CR1: variants seen among roughly 807,000 people sequenced by gnomAD.
The protein encoded by CR1 is complement receptor type 1.
Under a neutral mutation model 187.3 loss-of-function variants are expected in CR1, and 116 were observed. The observed-to-expected ratio is 0.62, with a 90% confidence interval of 0.53 to 0.72. CR1 has a LOEUF of 0.72. Among genes scored for constraint, CR1 ranks in the 30% least tolerant of loss-of-function variants. CR1 has a pLI of 0.00. For missense variants in CR1, 1,731 were observed against 2,110.7 expected, an observed-to-expected ratio of 0.82 and a Z score of 3.52; for synonymous variants, 576 against 747.1, an observed-to-expected ratio of 0.77 and a Z score of 3.73.
chr1:207,603,513 C>T (rs963244617), intron 35 of CR1, among the ~76,000 whole-genome samples: 5 of 152,090 alleles, frequency 3.3e-5, no homozygotes, highest in African/African-American at 1.2e-4. Context: ...TGCATATAGT[C>T]CCCACTTTTT....
intron 24 of CR1, among the ~76,000 whole-genome samples, chr1:207,566,912 A>G (rs1267052248): frequency 1.3e-5 from 2 of 150,346 alleles, no homozygotes; most frequent in African/African-American, 5.0e-5. Context: ...TTTTTAGAGT[A>G]AAATTTTGGA....
At chr1:207,573,473 T>C (rs1449838027) in intron 27 of CR1, among the ~76,000 whole-genome samples, 6 of 151,864 alleles carry the variant, frequency 4.0e-5, no homozygotes, top group African/African-American at 1.5e-4. Flanking sequence ...GTGAGGAACC[T>C]CTCTATGGCA....
intron 43 of CR1, 99 bp downstream of exon 43, chr1:207,620,164 T>A: frequency 8.2e-7 from 1 of 1,226,548 alleles, no homozygotes. Context: ...GTTTATGGCA[T>A]ATGCTATGAG....
intron 4 of CR1, among the ~76,000 whole-genome samples, chr1:207,516,367 A>G (rs1659808871): frequency 6.6e-6 from 1 of 152,210 alleles, no homozygotes; most frequent in Non-Finnish European, 1.5e-5. Flanking sequence ...TTGCCATACT[A>G]TAAGCACTAC....
At chr1:207,625,070 T>C (rs1662440762) in intron 45 of CR1, among the ~76,000 whole-genome samples, 1 of 152,204 alleles carries the variant, frequency 6.6e-6, no homozygotes, top group Non-Finnish European at 1.5e-5. Context: ...TAACTATTGA[T>C]TTGTTTCACC....
chr1:207,562,837 G>A (rs1380481275), intron 21 of CR1, among the ~76,000 whole-genome samples: 1 of 150,460 alleles, frequency 6.6e-6, no homozygotes, highest in African/African-American at 2.5e-5. Flanking sequence ...GTGCAGAAGT[G>A]TGAGGCTGGG....
intron 3 of CR1, among the ~76,000 whole-genome samples, chr1:207,508,515 C>A (rs1444291324): frequency 6.6e-6 from 1 of 152,132 alleles, no homozygotes; most frequent in Non-Finnish European, 1.5e-5. Flanking sequence ...GGCATATGTG[C>A]ATAAACAGAC....
intron 45 of CR1, among the ~76,000 whole-genome samples, chr1:207,624,383 A>G (rs947817089): frequency 1.3e-5 from 2 of 152,170 alleles, no homozygotes; most frequent in African/African-American, 4.8e-5. Flanking sequence ...TATCAATGTT[A>G]TATGGTTGAT....
chr1:207,625,249 AT>A (rs942894987), intron 45 of CR1, among the ~76,000 whole-genome samples: 5 of 151,944 alleles, frequency 3.3e-5, no homozygotes, highest in South Asian at 2.1e-4. Flanking sequence ...CCTGCCTCCT[AT>A]TTTTTTCATA....
intron 37 of CR1, among the ~76,000 whole-genome samples, chr1:207,611,397 A>C (rs1167646995): frequency 6.6e-6 from 1 of 152,170 alleles, no homozygotes; most frequent in African/African-American, 2.4e-5. Context: ...CTCCATAACC[A>C]GTAGTTGAAA....
At chr1:207,595,705 G>A (rs76675441) in intron 35 of CR1, among the ~76,000 whole-genome samples, 2,205 of 150,782 alleles carry the variant, frequency 0.015, 61 homozygotes, top group African/African-American at 0.051. Context: ...CTCCCACAAA[G>A]CTGTGGGAGT....
At chr1:207,582,056 A>G (rs1660974093) in intron 32 of CR1, 53 bp downstream of exon 32, 18 of 1,361,190 alleles carry the variant, frequency 1.3e-5, no homozygotes, top group Non-Finnish European at 1.8e-5. Flanking sequence ...TTTTCTTAAT[A>G]TAGTTTGCCC....
At chr1:207,523,448 T>C (rs537024193) in intron 4 of CR1, among the ~76,000 whole-genome samples, 163 bp from the exon 5 acceptor site, 58 of 152,352 alleles carry the variant, frequency 3.8e-4, no homozygotes, top group African/African-American at 1.3e-3. Context: ...ACACATCATA[T>C]TATGCCCATT....
At chr1:207,637,299 A>T (rs1662844538) in intron 46 of CR1, among the ~76,000 whole-genome samples, 1 of 152,208 alleles carries the variant, frequency 6.6e-6, no homozygotes, top group Non-Finnish European at 1.5e-5. Context: ...GTCCTGTGCA[A>T]TTGTGGTAGA....
intron 46 of CR1, among the ~76,000 whole-genome samples, chr1:207,633,381 T>C (rs1662710266): frequency 1.3e-5 from 2 of 152,252 alleles, no homozygotes; most frequent in African/African-American, 4.8e-5. Flanking sequence ...CTTCTTTGCA[T>C]ATTGTTAGAC....
At chr1:207,581,170 G>A (rs1295839884) in intron 31 of CR1, among the ~76,000 whole-genome samples, 1 of 150,612 alleles carries the variant, frequency 6.6e-6, no homozygotes, top group Non-Finnish European at 1.5e-5. Flanking sequence ...ATGTACATGT[G>A]TATACATATG....
At chr1:207,514,329 T>G (rs770368782) in intron 4 of CR1, among the ~76,000 whole-genome samples, 19 of 152,184 alleles carry the variant, frequency 1.2e-4, no homozygotes, top group Non-Finnish European at 2.8e-4. Flanking sequence ...GTTTAGTATA[T>G]TCACAAAGTT....
At chr1:207,616,902 T>C in intron 41 of CR1, 100 bp downstream of exon 41, 7 of 1,503,150 alleles carry the variant, frequency 4.7e-6, no homozygotes, top group Non-Finnish European at 6.3e-6. Context: ...TGAAAATGGC[T>C]TTGCTGTAAC....
chr1:207,496,525 C>A, intron 1 of CR1, 137 bp downstream of exon 1: 2 of 859,196 alleles, frequency 2.3e-6, no homozygotes, highest in Middle Eastern at 3.7e-4. Context: ...GGGCTGAGCG[C>A]GCGACCCGGC....
Sources: allele counts gnomAD v4.1 joint callset (sites outside exome capture counted in the v4.1 genomes callset), GRCh38; gene constraint gnomAD v4.1.1; transcripts MANE v1.5; gene names NCBI Gene and HGNC (gene_info 2026-07-23, HGNC 2026-07-21).